GRIP1: variants seen among roughly 807,000 people sequenced by gnomAD.
GRIP1 encodes glutamate receptor-interacting protein 1.
A neutral mutation model predicts 129.9 loss-of-function variants in GRIP1; 45 were observed. That is an observed-to-expected ratio of 0.35 (90% CI 0.27 to 0.44). The LOEUF is 0.44. Ranked by LOEUF, GRIP1 falls within the 20% of genes least tolerant of loss-of-function variation. GRIP1 has a pLI of 1.00. For missense variants in GRIP1, 1,196 were observed against 1,396.8 expected, an observed-to-expected ratio of 0.86 and a Z score of 2.29; for synonymous variants, 530 against 520.8, an observed-to-expected ratio of 1.02 and a Z score of -0.24.
intron 1 of GRIP1, among the ~76,000 whole-genome samples, chr12:66,665,792 T>C (rs2033762415): frequency 1.3e-5 from 2 of 152,056 alleles, no homozygotes; most frequent in African/African-American, 2.4e-5. Flanking sequence ...AAACTAGGAG[T>C]GGGACTGCTG....
Position 66,541,853 on chromosome 12 carries a change from T to C in GRIP1, c.234A>G (p.Pro78=). ...CTCCTTGCCGCAGATTAGATACTCT[T>C]GGCTTGCCATCCTTATCAATTCCTC... The part of the protein sequence containing the change: ...VSGGIDKDGK[P]RVSNLRQGGI... Residue 78 remains proline, a synonymous_variant, in exon 3 of 25, where the codon CCA becomes CCG. Coordinates refer to ENST00000359742, the MANE Select transcript of GRIP1 (RefSeq NM_001366722.1). The C allele has an allele frequency of 6.2e-7, 1 of 1,614,134 alleles. No homozygotes were observed. Among genetic ancestry groups the C allele is most frequent in the Non-Finnish European group, 8.5e-7 (1 of 1,179,960 alleles).
At chr12:66,638,008 G>A (rs191908232) in intron 1 of GRIP1, among the ~76,000 whole-genome samples, 2 of 152,154 alleles carry the variant, frequency 1.3e-5, no homozygotes, top group Non-Finnish European at 2.9e-5. Flanking sequence ...TCTTTTGTAC[G>A]CTGTCAGCCA....
intron 13 of GRIP1, among the ~76,000 whole-genome samples, chr12:66,434,420 T>C (rs904745220): frequency 6.6e-6 from 1 of 152,226 alleles, no homozygotes; most frequent in Non-Finnish European, 1.5e-5. Flanking sequence ...AACACTCTCA[T>C]GGGCCAGGAA....
intron 2 of GRIP1, chr12:66,571,048 C>A (rs1050973766): frequency 5.9e-5 from 9 of 152,202 alleles, no homozygotes; most frequent in Non-Finnish European, 1.3e-4. Flanking sequence ...TCTTTCTGCA[C>A]TATCACTTTA....
At chr12:66,751,626 C>T (rs935482351) in intron 1 of GRIP1, among the ~76,000 whole-genome samples, 15 of 152,148 alleles carry the variant, frequency 9.9e-5, no homozygotes, top group African/African-American at 3.6e-4. Context: ...GTTAGGTCTT[C>T]TTGATATTCA....
intron 1 of GRIP1, among the ~76,000 whole-genome samples, chr12:66,946,408 T>C (rs1234470289): frequency 6.6e-6 from 1 of 152,174 alleles, no homozygotes; most frequent in Non-Finnish European, 1.5e-5. Flanking sequence ...TTCTAAATAT[T>C]GATATTTTTC....
intron 1 of GRIP1, among the ~76,000 whole-genome samples, chr12:66,780,571 G>C (rs1422212778): frequency 6.6e-6 from 1 of 152,158 alleles, no homozygotes; most frequent in African/African-American, 2.4e-5. Context: ...AGATCCAGAT[G>C]AAAGGAAAGG....
At chr12:66,521,264 C>T (rs560792221) in intron 5 of GRIP1, among the ~76,000 whole-genome samples, 79 of 152,282 alleles carry the variant, frequency 5.2e-4, no homozygotes, top group African/African-American at 1.8e-3. Flanking sequence ...GCTTAATAAA[C>T]ATTTGATTGA....
intron 2 of GRIP1, among the ~76,000 whole-genome samples, chr12:66,584,397 T>TA (rs1400585606): frequency 6.6e-6 from 1 of 151,184 alleles, no homozygotes; most frequent in African/African-American, 2.5e-5. Flanking sequence ...CCCTAAAACT[T>TA]AAAGTATAAT....
intron 1 of GRIP1, among the ~76,000 whole-genome samples, chr12:67,060,296 T>C (rs901196424): frequency 1.3e-5 from 2 of 152,222 alleles, no homozygotes; most frequent in Non-Finnish European, 2.9e-5. Flanking sequence ...GTGTTATTAC[T>C]TTCCACAGCA....
chr12:66,925,026 T>C (rs1358585670), intron 1 of GRIP1, among the ~76,000 whole-genome samples: 1 of 152,152 alleles, frequency 6.6e-6, no homozygotes, highest in African/African-American at 2.4e-5. Context: ...AAAATATAAA[T>C]ACATTATATT....
intron 1 of GRIP1, among the ~76,000 whole-genome samples, chr12:66,826,363 G>A (rs1292809716): frequency 1.3e-5 from 2 of 152,018 alleles, no homozygotes; most frequent in Non-Finnish European, 2.9e-5. Flanking sequence ...ATGACGGGTT[G>A]ATGGGTGCAG....
intron 4 of GRIP1, among the ~76,000 whole-genome samples, chr12:66,538,387 G>T (rs1054502153): frequency 6.6e-6 from 1 of 150,974 alleles, no homozygotes; most frequent in African/African-American, 2.4e-5. Flanking sequence ...GTAGAAACAT[G>T]GTCTCATTTT....
chr12:67,026,490 A>C (rs2042943561), intron 1 of GRIP1, among the ~76,000 whole-genome samples: 1 of 152,220 alleles, frequency 6.6e-6, no homozygotes, highest in African/African-American at 2.4e-5. Context: ...CTAAGGATTG[A>C]GTTAAAACAC....
chr12:66,467,262 T>C (rs7132569), intron 7 of GRIP1, among the ~76,000 whole-genome samples: 74,920 of 151,932 alleles, frequency 0.49, 18,776 homozygotes, highest in Middle Eastern at 0.64. Flanking sequence ...CCAGATCCTA[T>C]GGTTGATTTG....
intron 1 of GRIP1, among the ~76,000 whole-genome samples, chr12:66,647,122 G>A (rs937846372): frequency 1.1e-4 from 17 of 152,074 alleles, no homozygotes; most frequent in Non-Finnish European, 2.2e-4. Context: ...CTAGACTCCC[G>A]CCTTATGAGT....
intron 1 of GRIP1, among the ~76,000 whole-genome samples, chr12:66,958,116 A>G (rs1257655453): frequency 6.6e-6 from 1 of 152,100 alleles, no homozygotes; most frequent in Non-Finnish European, 1.5e-5. Flanking sequence ...GTCTCTTTGA[A>G]TGAAATACAT....
At chr12:66,660,073 C>A (rs1306465913) in intron 1 of GRIP1, among the ~76,000 whole-genome samples, 1 of 152,158 alleles carries the variant, frequency 6.6e-6, no homozygotes, top group African/African-American at 2.4e-5. Flanking sequence ...TTCTATGATT[C>A]TCATGTTGAT....
At chr12:66,582,778 C>T (rs1271696290) in intron 2 of GRIP1, among the ~76,000 whole-genome samples, 1 of 145,510 alleles carries the variant, frequency 6.9e-6, no homozygotes, top group Admixed American at 6.9e-5. Flanking sequence ...AATGGAAGAA[C>T]ATTCCATGCT....
Sources: allele counts gnomAD v4.1 joint callset (sites outside exome capture counted in the v4.1 genomes callset), GRCh38; gene constraint gnomAD v4.1.1; transcripts MANE v1.5; gene names NCBI Gene and HGNC (gene_info 2026-07-23, HGNC 2026-07-21).